Variants in TBCD observed in about 807,000 individuals in gnomAD.
TBCD encodes the protein tubulin-specific chaperone D.
TBCD carries 105 observed loss-of-function variants against 169.3 expected under a neutral mutation model. That is an observed-to-expected ratio of 0.62 (90% CI 0.53 to 0.73). TBCD has a LOEUF of 0.73. Ranked by LOEUF, TBCD falls within the 30% of genes least tolerant of loss-of-function variation. The pLI, the probability that TBCD is intolerant of heterozygous loss-of-function variation, is 0.00. For synonymous variants in TBCD, 700 were observed against 643.9 expected (o/e 1.09, Z -1.32); for missense variants, 1,444 against 1,600.1 (o/e 0.90, Z 1.66).
intron 33 of TBCD, among the ~76,000 whole-genome samples, chr17:82,931,266 G>A (rs939899740): frequency 5.0e-4 from 76 of 152,324 alleles, no homozygotes; most frequent in African/African-American, 1.8e-3. Context: ...ACAGGAACTC[G>A]GCCCAGCCAT....
chr17:82,791,082 C>CTCTT (rs1213535192), intron 7 of TBCD, among the ~76,000 whole-genome samples: 1 of 141,490 alleles, frequency 7.1e-6, no homozygotes, highest in Non-Finnish European at 1.5e-5. Flanking sequence ...GGAATTGTGT[C>CTCTT]TCTTGCATCT....
intron 14 of TBCD, among the ~76,000 whole-genome samples, chr17:82,870,821 A>G (rs1470656666): frequency 1.3e-5 from 2 of 152,232 alleles, no homozygotes; most frequent in South Asian, 2.1e-4. Flanking sequence ...TTCTGTCTCT[A>G]TCTCCTTTCA....
chr17:82,790,058 C>T (rs2049593785), intron 7 of TBCD, among the ~76,000 whole-genome samples: 1 of 152,202 alleles, frequency 6.6e-6, no homozygotes, highest in African/African-American at 2.4e-5. Context: ...TGTGGCTGCG[C>T]CGCCACCCTG....
In TBCD at chr17:82,870,296, G is replaced by A. The variant is rs760161414; in HGVS notation, c.1391G>A (p.Arg464Lys). Residue 464 changes from arginine to lysine, a missense_variant, in exon 14 of 39, where the codon AGG (arginine) becomes AAG (lysine). Physicochemically the swap from Arg to Lys is conservative, Grantham distance 26. Coordinates refer to ENST00000355528, the MANE Select transcript of TBCD (RefSeq NM_005993.5). Reference sequence around the variant, plus strand: ...GCCTGCAGCGTGGGCACCAACGTCAGGGACGCCGCCTGCTACGTGTGCTGG... The same window carrying A: ...GCCTGCAGCGTGGGCACCAACGTCAAGGACGCCGCCTGCTACGTGTGCTGG... ...RGACSVGTNV[R>K]DAACYVCWAF... 5.6e-5 allele frequency: 90 copies of A among 1,613,460 alleles called. No homozygotes were observed. Among genetic ancestry groups the A allele is most frequent in the Non-Finnish European group, 7.1e-5 (84 of 1,179,892 alleles).
rs2056986854 is a variant in TBCD at position 82,864,112 on chromosome 17, A to G, written c.1319-6112A>G. Among the ~76,000 whole-genome samples, 1 of 152,222 alleles carries G rather than the reference A, an allele frequency of 6.6e-6. No individual in the cohort carries two copies. Among genetic ancestry groups the G allele is most frequent in the African/African-American group, 2.4e-5 (1 of 41,450 alleles). On this transcript the variant is annotated intron_variant, in intron 13 of 38. Transcript: ENST00000355528. The surrounding 1 kb of genome is among the most constrained non-coding windows in gnomAD (Gnocchi z 6.3). Reference sequence around the variant, plus strand: ...GAGCTGCCTGCTGTTGACGCTCCACAGGAGGTTTGCGGCATGGCTGCCATC... The same window carrying G: ...GAGCTGCCTGCTGTTGACGCTCCACGGGAGGTTTGCGGCATGGCTGCCATC...
intron 12 of TBCD, among the ~76,000 whole-genome samples, chr17:82,812,307 C>T (rs2051502184): frequency 6.6e-6 from 1 of 152,246 alleles, no homozygotes; most frequent in South Asian, 2.1e-4. Flanking sequence ...CGGCACTACG[C>T]TGTGCCTCCC....
chr17:82,924,421 G>T (rs192705908), intron 26 of TBCD, among the ~76,000 whole-genome samples: 1 of 152,184 alleles, frequency 6.6e-6, no homozygotes, highest in Non-Finnish European at 1.5e-5. Context: ...CTGCACCCCC[G>T]TGCTGAAGTT....
intron 17 of TBCD, among the ~76,000 whole-genome samples, chr17:82,899,043 A>C (rs2059687744): frequency 6.6e-6 from 1 of 152,282 alleles, no homozygotes; most frequent in African/African-American, 2.4e-5. Flanking sequence ...GTATCCATGG[A>C]ACCAGAGGGA....
chr17:82,815,382 C>G (rs572783977), intron 13 of TBCD, among the ~76,000 whole-genome samples: 1 of 152,250 alleles, frequency 6.6e-6, no homozygotes, highest in African/African-American at 2.4e-5. Flanking sequence ...CCAGGTACCC[C>G]TGGCAGCATC....
chr17:82,888,640 C>G (rs1317809), intron 15 of TBCD, among the ~76,000 whole-genome samples: 37,798 of 152,198 alleles, frequency 0.25, 4,717 homozygotes, highest in Middle Eastern at 0.31. Flanking sequence ...ACCCGCACGT[C>G]TGGTTTCTGT....
intron 13 of TBCD, among the ~76,000 whole-genome samples, chr17:82,844,971 T>A (rs973322966): frequency 2.0e-5 from 3 of 152,034 alleles, no homozygotes; most frequent in Non-Finnish European, 4.4e-5. Context: ...CAGAGGGCGA[T>A]GAGCAGAGTT....
Position 82,806,107 on chromosome 17 carries a change from C to T in TBCD, c.1087+96C>T, listed in dbSNP as rs582192. 592,699 of 1,507,472 alleles carry T rather than the reference C, an allele frequency of 0.39. 117,101 individuals are homozygous for T. Among genetic ancestry groups the T allele is most frequent in the Admixed American group, 0.42 (21,118 of 50,390 alleles). The allele number at this position is 1,507,472 out of a possible 1,614,324, so 93.4% of individuals were successfully genotyped here. A position where few individuals can be genotyped will look rare whatever the true frequency, so the allele number is the denominator to read the frequency against. On this transcript the variant is annotated intron_variant, in intron 10 of 38. Transcript: ENST00000355528. The surrounding 1 kb of genome is among the most constrained non-coding windows in gnomAD (Gnocchi z 5.1). Reference sequence around the variant, plus strand: ...ACACTTCCTTCTTCCTTGCTGGTGCCGGCACTGTCTGGCCACCCGTCCCCT... The same window carrying T: ...ACACTTCCTTCTTCCTTGCTGGTGCTGGCACTGTCTGGCCACCCGTCCCCT...
At chr17:82,908,440 A>G (rs749780304) in intron 21 of TBCD, 3 of 455,800 alleles carry the variant, frequency 6.6e-6, no homozygotes, top group South Asian at 4.7e-5. Context: ...ACCCAGAGGT[A>G]AAGTATGAAC....
Position 82,929,375 on chromosome 17 carries a change from T to C in TBCD, c.2866T>C (p.Ser956Pro). The C allele has an allele frequency of 6.2e-7, 1 of 1,613,012 alleles. No homozygotes were observed. ...ACTCTCTTGCAGGTCCGATGTGGCC[T>C]CCGTGAACTGGAGTGCACCTTCCCA... The part of the protein sequence containing the change: ...EKLFPRSDVA[S>P]VNWSAPSQAF... The change falls in exon 32 of 39, where the codon TCC becomes CCC. Residue 956 changes from serine to proline, a missense_variant. Physicochemically the swap from Ser to Pro is moderately conservative, Grantham distance 74. Coordinates refer to ENST00000355528, the MANE Select transcript of TBCD (RefSeq NM_005993.5).
intron 12 of TBCD, 92 bp from the exon 13 acceptor site, chr17:82,814,748 G>A (rs527303000): frequency 1.6e-6 from 2 of 1,225,098 alleles, no homozygotes; most frequent in Non-Finnish European, 2.4e-6. Context: ...CAGAGGATAT[G>A]GACCTGCCAG....
chr17:82,891,517 G>A (rs147337135), intron 16 of TBCD, among the ~76,000 whole-genome samples: 182 of 152,330 alleles, frequency 1.2e-3, no homozygotes, highest in Admixed American at 3.3e-3. Context: ...AGCCCCGCAC[G>A]GCCATGTCCT....
At chr17:82,758,404 T>A (rs2451213) in intron 2 of TBCD, among the ~76,000 whole-genome samples, 40,869 of 76,242 alleles carry the variant, frequency 0.54, 9,974 homozygotes, top group Non-Finnish European at 0.58. Context: ...AAAAAAAAAA[T>A]AAATAAATAA....
At chr17:82,802,967 A>G (rs1157545216) in intron 9 of TBCD, among the ~76,000 whole-genome samples, 3 of 152,236 alleles carry the variant, frequency 2.0e-5, no homozygotes, top group Admixed American at 2.0e-4. Context: ...ACGTAATTCT[A>G]ACGTGGTTGG....
intron 17 of TBCD, among the ~76,000 whole-genome samples, chr17:82,896,256 C>A (rs1179398649): frequency 1.3e-5 from 2 of 152,134 alleles, no homozygotes; most frequent in Non-Finnish European, 2.9e-5. Context: ...CCTGTGGGGA[C>A]CGTCCCCCGA....
Sources: gnomAD v4.1 joint callset for allele counts (sites outside exome capture counted in the v4.1 genomes callset) on GRCh38, gnomAD v4.1.1 for gene constraint, Gnocchi (gnomAD v3.1) non-coding constraint, MANE v1.5 for transcripts, NCBI Gene and HGNC (gene_info 2026-07-23, HGNC 2026-07-21) for gene names.